Variants in CDK14 observed in about 807,000 individuals in gnomAD.
The protein encoded by CDK14 is cyclin-dependent kinase 14.
CDK14 carries 34 observed loss-of-function variants against 60.7 expected under a neutral mutation model. That is an observed-to-expected ratio of 0.56 (90% confidence interval 0.43 to 0.75). The LOEUF is 0.75. Ranked by LOEUF, CDK14 falls within the 30% of genes least tolerant of loss-of-function variation. CDK14 has a pLI of 0.00. For missense variants in CDK14, 482 were observed against 564.1 expected (o/e 0.85, Z 1.47); for synonymous variants, 197 against 203.7 (o/e 0.97, Z 0.28).
intron 14 of CDK14, among the ~76,000 whole-genome samples, chr7:91,124,325 C>T (rs761695052): frequency 3.9e-5 from 6 of 152,154 alleles, no homozygotes; most frequent in Non-Finnish European, 5.9e-5. Flanking sequence ...TTTGCTTTAT[C>T]ATATTAATTC....
chr7:90,836,520 T>A (rs1248868896), intron 5 of CDK14, among the ~76,000 whole-genome samples: 2 of 152,164 alleles, frequency 1.3e-5, no homozygotes, highest in Non-Finnish European at 2.9e-5. Context: ...AGCTGTCATC[T>A]CCTATTATAA....
chr7:90,644,630 ACT>A lies in CDK14; in HGVS notation c.123+40384_123+40385del, dbSNP rs1468556371. On this transcript the variant is annotated intron_variant, in intron 2 of 14. Transcript: ENST00000380050. ...AGTGGATATGCGTTTAATATTCAAG[ACT>A]CTGTGAAATCCTACACGGAAGAAAC... Among the ~76,000 whole-genome samples the A allele has an allele frequency of 3.3e-5, 5 of 152,160 alleles. 1 individual carries two copies. The East Asian group carries it at 7.7e-4, about 23-fold the overall frequency.
At chr7:91,110,505 T>C (rs1188177266) in intron 12 of CDK14, among the ~76,000 whole-genome samples, 1 of 152,172 alleles carries the variant, frequency 6.6e-6, no homozygotes, top group Non-Finnish European at 1.5e-5. Flanking sequence ...TTCATCACTA[T>C]TTTTCAATAG....
chr7:90,620,403 G>C (rs1799741660), intron 2 of CDK14, among the ~76,000 whole-genome samples: 1 of 152,148 alleles, frequency 6.6e-6, no homozygotes, highest in Non-Finnish European at 1.5e-5. Flanking sequence ...GTGCTCTCCA[G>C]ACGGCGGTGA....
At chr7:91,151,025 A>G (rs1800813937) in intron 14 of CDK14, among the ~76,000 whole-genome samples, 1 of 152,216 alleles carries the variant, frequency 6.6e-6, no homozygotes, top group Non-Finnish European at 1.5e-5. Context: ...CACAGATGTC[A>G]TTATTAATAT....
chr7:91,188,077 T>C (rs1172832410), intron 14 of CDK14, among the ~76,000 whole-genome samples: 1 of 152,148 alleles, frequency 6.6e-6, no homozygotes, highest in East Asian at 1.9e-4. Flanking sequence ...AAAAGAAAAT[T>C]ATTTGGGGGC....
intron 2 of CDK14, among the ~76,000 whole-genome samples, chr7:90,703,039 A>C (rs1367896706): frequency 6.8e-6 from 1 of 146,736 alleles, no homozygotes; most frequent in Non-Finnish European, 1.5e-5. Flanking sequence ...TCCTTTTCAG[A>C]GTTTATTCAG....
chr7:90,680,787 A>G (rs986061039), intron 2 of CDK14, among the ~76,000 whole-genome samples: 2 of 152,200 alleles, frequency 1.3e-5, no homozygotes, highest in Non-Finnish European at 2.9e-5. Flanking sequence ...TCCAGCTATT[A>G]TTATTTTATT....
chr7:90,919,045 A>G (rs1474186884), intron 8 of CDK14, among the ~76,000 whole-genome samples: 1 of 152,142 alleles, frequency 6.6e-6, no homozygotes, highest in East Asian at 1.9e-4. Context: ...TCTTTTTATA[A>G]TAGGGTAGAA....
intron 10 of CDK14, among the ~76,000 whole-genome samples, chr7:91,012,075 G>C (rs886804201): frequency 6.6e-6 from 1 of 152,026 alleles, no homozygotes; most frequent in Non-Finnish European, 1.5e-5. Context: ...CTTGTTCTGT[G>C]ACATGTTCAA....
At chr7:91,204,084 A>T (rs577611353) in intron 14 of CDK14, among the ~76,000 whole-genome samples, 21 of 152,294 alleles carry the variant, frequency 1.4e-4, no homozygotes, top group Non-Finnish European at 3.1e-4. Flanking sequence ...AGTGAGCCTT[A>T]TGGAGAACTG....
intron 12 of CDK14, among the ~76,000 whole-genome samples, chr7:91,101,117 G>A (rs1799136446): frequency 6.6e-6 from 1 of 152,156 alleles, no homozygotes; most frequent in Non-Finnish European, 1.5e-5. Context: ...TAGCAATATA[G>A]TTCAAAATTA....
chr7:90,955,733 A>T lies in CDK14; in HGVS notation c.863A>T (p.Tyr288Phe). 6.2e-7 allele frequency: 1 copy of T among 1,613,378 alleles called. No individual in the cohort carries two copies. Among genetic ancestry groups the T allele is most frequent in the Non-Finnish European group, 8.5e-7 (1 of 1,179,496 alleles). The change falls in exon 9 of 15, where the codon TAC becomes TTC. Residue 288 changes from tyrosine to phenylalanine, a missense_variant. Tyr to Phe is a conservative substitution (Grantham distance 22). Coordinates refer to ENST00000380050, the MANE Select transcript of CDK14 (RefSeq NM_001287135.2). ...ARAKSVPSHT[Y>F]SNEVVTLWYR... ...GCAAAATCCGTCCCTAGCCACACAT[A>T]CTCCAACGAAGTGGTTACCTTGTGG...
chr7:91,002,682 T>C (rs1202148385), intron 10 of CDK14, among the ~76,000 whole-genome samples: 1 of 152,176 alleles, frequency 6.6e-6, no homozygotes, highest in Non-Finnish European at 1.5e-5. Context: ...AGGAGAAAGA[T>C]AGGAGGCAGA....
At chr7:91,093,808 A>G (rs543250130) in intron 12 of CDK14, among the ~76,000 whole-genome samples, 43 of 152,318 alleles carry the variant, frequency 2.8e-4, no homozygotes, top group African/African-American at 1.0e-3. Context: ...GATAAAGAAA[A>G]TGTGGCACAT....
At chr7:90,666,611 G>A (rs899009840) in intron 2 of CDK14, among the ~76,000 whole-genome samples, 3 of 152,196 alleles carry the variant, frequency 2.0e-5, no homozygotes, top group Middle Eastern at 3.2e-3. Context: ...TCAATATCTT[G>A]AGAAATGTCT....
chr7:90,660,211 A>G (rs1800840860), intron 2 of CDK14, among the ~76,000 whole-genome samples: 2 of 152,192 alleles, frequency 1.3e-5, no homozygotes, highest in South Asian at 4.1e-4. Flanking sequence ...AGATTGGAGC[A>G]TCACACCCCC....
At chr7:90,911,638 C>G (rs1010501138) in intron 7 of CDK14, among the ~76,000 whole-genome samples, 1 of 148,108 alleles carries the variant, frequency 6.8e-6, no homozygotes, top group Non-Finnish European at 1.5e-5. Flanking sequence ...ATTCATGGAG[C>G]AGGACACCTC....
At chr7:90,679,011 G>A (rs1056712688) in intron 2 of CDK14, among the ~76,000 whole-genome samples, 4 of 152,082 alleles carry the variant, frequency 2.6e-5, no homozygotes, top group Non-Finnish European at 5.9e-5. Context: ...GTGTAGTAGT[G>A]CAAACAAGTC....
Sources: allele counts gnomAD v4.1 joint callset (sites outside exome capture counted in the v4.1 genomes callset), GRCh38; gene constraint gnomAD v4.1.1; transcripts MANE v1.5; gene names NCBI Gene and HGNC (gene_info 2026-07-23, HGNC 2026-07-21).